Variants in ATR observed in about 807,000 individuals in gnomAD.
ATR encodes the protein serine/threonine-protein kinase ATR.
In ATR, 142 loss-of-function variants were observed where a neutral mutation model predicts 305.3. The observed-to-expected ratio is 0.47, with a 90% CI of 0.41 to 0.53. The LOEUF (loss-of-function observed/expected upper bound fraction) is 0.53. Ranked by LOEUF, ATR falls within the 20% of genes least tolerant of loss-of-function variation. The pLI is 0.00. For missense variants in ATR, 2,135 were observed against 3,133.1 expected, an observed-to-expected ratio of 0.68 and a Z score of 7.60; for synonymous variants, 1,050 against 1,068.1, an observed-to-expected ratio of 0.98 and a Z score of 0.33.
At chr3:142,559,545 T>G (rs955360070) in intron 6 of ATR, 104 bp from the exon 7 acceptor site, 2 of 1,089,258 alleles carry the variant, frequency 1.8e-6, no homozygotes, top group Admixed American at 2.1e-5. Flanking sequence ...AGTACGAAAT[T>G]TATCTATAAC....
intron 41 of ATR, 92 bp downstream of exon 41, chr3:142,465,003 ACT>A (rs1489608198): frequency 2.6e-6 from 2 of 780,688 alleles, no homozygotes; most frequent in Non-Finnish European, 3.5e-6. Flanking sequence ...AATTATAGCA[ACT>A]CTGAAATAAA....
chr3:142,499,215 A>C (rs1447861413), intron 31 of ATR: 1 of 351,422 alleles, frequency 2.8e-6, no homozygotes, highest in Admixed American at 4.0e-5. Flanking sequence ...TAAACAAGGC[A>C]ATCATAAAAC....
At chr3:142,516,693 A>G (rs970985948) in intron 24 of ATR, among the ~76,000 whole-genome samples, 25 of 152,052 alleles carry the variant, frequency 1.6e-4, no homozygotes, top group Admixed American at 2.0e-4. Context: ...CCCTATTGCA[A>G]AAAAAGAGAT....
At chr3:142,567,474 C>T (rs539196432) in intron 2 of ATR, among the ~76,000 whole-genome samples, 81 of 152,254 alleles carry the variant, frequency 5.3e-4, no homozygotes, top group African/African-American at 1.5e-3. Context: ...ATAAAATCTG[C>T]GCCAAATTTG....
rs367641692 is a variant in ATR at position 142,549,499 on chromosome 3, G to A, written c.3151C>T (p.Arg1051Cys). 130 of 1,599,832 alleles carry A rather than the reference G, an allele frequency of 8.1e-5. No homozygotes were observed. Among genetic ancestry groups the A allele is most frequent in the Middle Eastern group, 7.7e-4 (4 of 5,222 alleles). ...VCSCSKDELE[R>C]ALHYLKNETE... Reference sequence around the variant, plus strand: ...ATTACCTTCAGATAATGAAGGGCACGTTCTAATTCATCTTTGGAACAAGAA... The same window carrying A: ...ATTACCTTCAGATAATGAAGGGCACATTCTAATTCATCTTTGGAACAAGAA... The change falls in exon 15 of 47, where the codon CGT becomes TGT. Residue 1051 changes from arginine to cysteine, a missense_variant. Arg to Cys is a radical substitution (Grantham distance 180, BLOSUM62 -3). Around this residue, in one of 9 missense-constraint regions of ATR, gnomAD observed 530 missense variants for 766.8 expected, o/e 0.69. Coordinates refer to ENST00000350721, the MANE Select transcript of ATR (RefSeq NM_001184.4).
intron 27 of ATR, among the ~76,000 whole-genome samples, chr3:142,510,454 A>C (rs1263561064): frequency 6.6e-6 from 1 of 152,108 alleles, no homozygotes; most frequent in East Asian, 1.9e-4. Context: ...AGAGAGACTT[A>C]GTCTCAAAAA....
At chr3:142,547,019 C>CA (rs1215274879) in intron 16 of ATR, among the ~76,000 whole-genome samples, 4 of 151,812 alleles carry the variant, frequency 2.6e-5, no homozygotes, top group South Asian at 2.1e-4. Context: ...TGATTTTTCA[C>CA]AAAAAAAATT....
chr3:142,531,220 G>C (rs1053756639), intron 21 of ATR, among the ~76,000 whole-genome samples: 5 of 151,876 alleles, frequency 3.3e-5, no homozygotes, highest in African/African-American at 7.3e-5. Flanking sequence ...AAGACAACCT[G>C]AAAGTCTCTA....
rs190615362 is a variant in ATR at position 142,488,184 on chromosome 3, T to C, written c.6079-2902A>G. On this transcript the variant is annotated intron_variant, in intron 35 of 46. Coordinates refer to ENST00000350721, the MANE Select transcript of ATR (RefSeq NM_001184.4). ...GGGCTGCAGTTGACAGTGGTGGTGT[T>C]TCTTTCCCTAAGGTTAAGTTCTGGT... Among the ~76,000 whole-genome samples the C allele has an allele frequency of 3.3e-5, 5 of 152,304 alleles. No homozygotes were observed. In the East Asian group the frequency reaches 9.7e-4, roughly 29 times the overall value.
chr3:142,554,690 G>C (rs1368735881), intron 10 of ATR, among the ~76,000 whole-genome samples: 1 of 152,154 alleles, frequency 6.6e-6, no homozygotes, highest in Non-Finnish European at 1.5e-5. Context: ...GGGAGGCCAA[G>C]GTGGGAGGAT....
intron 1 of ATR, among the ~76,000 whole-genome samples, chr3:142,575,438 C>T (rs921186663): frequency 1.4e-5 from 2 of 147,884 alleles, no homozygotes; most frequent in African/African-American, 2.5e-5. Context: ...GAGCAGAGAT[C>T]ACGCCACTGG....
intron 36 of ATR, among the ~76,000 whole-genome samples, chr3:142,479,702 T>C (rs2108298961): frequency 6.6e-6 from 1 of 152,290 alleles, no homozygotes; most frequent in Non-Finnish European, 1.5e-5. Context: ...TGTTTCCATT[T>C]CCCCATCACT....
chr3:142,557,110 G>T (rs1402118756), intron 8 of ATR, among the ~76,000 whole-genome samples: 1 of 89,002 alleles, frequency 1.1e-5, no homozygotes, highest in East Asian at 2.5e-4. Context: ...TTGTTAAAAT[G>T]CAGATTCTGA....
chr3:142,473,442 C>T (rs2071345916), intron 36 of ATR, among the ~76,000 whole-genome samples: 1 of 152,080 alleles, frequency 6.6e-6, no homozygotes, highest in South Asian at 2.1e-4. Context: ...GTCTCTGTTC[C>T]ACTGGTCTAT....
intron 36 of ATR, among the ~76,000 whole-genome samples, chr3:142,481,849 GTCTT>G (rs1280394763): frequency 6.6e-6 from 1 of 151,384 alleles, no homozygotes; most frequent in Non-Finnish European, 1.5e-5. Context: ...TTGAGATAGA[GTCTT>G]TCTCTGTCAC....
rs750415397 is a variant in ATR, at chr3:142,550,119, T to C, written c.2976+13A>G. ...AATTGCAAACCTCAAGTGAACTATA[T>C]GTTGCAACTTACAGTAAGAAAACGA... On this transcript the variant is annotated intron_variant, in intron 14 of 46. Transcript: ENST00000350721. 4.3e-6 allele frequency: 7 copies of C among 1,613,538 alleles called. No individual in the cohort carries two copies. In the Admixed American group the frequency reaches 1.0e-4, roughly 23 times the overall value.
chr3:142,499,577 A>G, intron 31 of ATR, 50 bp downstream of exon 31: 1 of 1,557,862 alleles, frequency 6.4e-7, no homozygotes, highest in Non-Finnish European at 8.8e-7. Context: ...TACAGGCGTG[A>G]GCCACCGCAC....
intron 13 of ATR, among the ~76,000 whole-genome samples, chr3:142,551,088 T>A (rs930822022): frequency 2.6e-5 from 4 of 152,074 alleles, no homozygotes; most frequent in African/African-American, 7.2e-5. Context: ...CGCCCAGCCT[T>A]AACAATAATT....
chr3:142,485,032 T>A, intron 36 of ATR, 108 bp downstream of exon 36: 1 of 1,506,392 alleles, frequency 6.6e-7, no homozygotes, highest in East Asian at 2.3e-5. Flanking sequence ...ACTGAATCAG[T>A]CATAAGCCAG....
Sources: allele counts gnomAD v4.1 joint callset (sites outside exome capture counted in the v4.1 genomes callset), GRCh38; gene constraint gnomAD v4.1.1; regional missense constraint gnomAD v4.1.1; transcripts MANE v1.5; gene names NCBI Gene and HGNC (gene_info 2026-07-23, HGNC 2026-07-21).